Variants in PTK2 observed in about 807,000 individuals in gnomAD.
PTK2 encodes the protein focal adhesion kinase 1.
In PTK2, 45 loss-of-function variants were observed where a neutral mutation model predicts 150.1. The ratio of observed to expected loss-of-function variants is 0.30; its 90% CI spans 0.24 to 0.38. The LOEUF is 0.38. PTK2 is among the 10% of genes least tolerant of loss of function. The pLI is 1.00. For missense variants in PTK2, 919 were observed against 1,307.3 expected (o/e 0.70, Z 4.58); for synonymous variants, 432 against 449.2 (o/e 0.96, Z 0.48).
intron 26 of PTK2, among the ~76,000 whole-genome samples, chr8:140,693,062 A>AT (rs987780085): frequency 1.3e-5 from 2 of 152,116 alleles, no homozygotes; most frequent in African/African-American, 4.8e-5. Context: ...GCATGCAGTA[A>AT]TAAAAAAAAA....
intron 14 of PTK2, among the ~76,000 whole-genome samples, chr8:140,785,898 C>G (rs1031650800): frequency 6.6e-6 from 1 of 152,180 alleles, no homozygotes; most frequent in Non-Finnish European, 1.5e-5. Context: ...CAATCCCACA[C>G]GAGTTAATAC....
At chr8:140,715,953 G>A (rs1469790123) in intron 23 of PTK2, among the ~76,000 whole-genome samples, 1 of 152,186 alleles carries the variant, frequency 6.6e-6, no homozygotes, top group East Asian at 1.9e-4. Flanking sequence ...AGAAAAATGT[G>A]TAGATGAAGA....
chr8:140,868,316 G>T lies in PTK2; in HGVS notation c.363-3917C>A, dbSNP rs115764554. On this transcript the variant is annotated intron_variant, in intron 4 of 31. Transcript: ENST00000522684. Reference sequence around the variant, plus strand: ...TGCCCTCATAAAAAAAATGTGGTGTGAACAGTCTGTTCTTACAATAGACTT... The same window carrying T: ...TGCCCTCATAAAAAAAATGTGGTGTTAACAGTCTGTTCTTACAATAGACTT... Among the ~76,000 whole-genome samples, 976 of 152,248 alleles carry T rather than the reference G, an allele frequency of 6.4e-3. 14 individuals are homozygous for T. The highest frequency in any genetic ancestry group is 0.02 in the African/African-American group (831 of 41,544).
intron 1 of PTK2, among the ~76,000 whole-genome samples, chr8:140,988,270 C>T (rs1327429322): frequency 1.3e-5 from 2 of 152,126 alleles, no homozygotes; most frequent in African/African-American, 4.8e-5. Flanking sequence ...ACAAGTAATT[C>T]TAAAACATAT....
chr8:140,747,185 C>T (rs1050657039), intron 17 of PTK2: 5 of 200,632 alleles, frequency 2.5e-5, no homozygotes, highest in South Asian at 1.0e-4. Context: ...CCACCGCACC[C>T]GGCCTAGTTA....
intron 1 of PTK2, among the ~76,000 whole-genome samples, chr8:140,969,001 G>C (rs144429626): frequency 2.0e-4 from 31 of 152,278 alleles, no homozygotes; most frequent in African/African-American, 6.7e-4. Flanking sequence ...GAAGTGAACA[G>C]CTTCAGGTTT....
intron 4 of PTK2, among the ~76,000 whole-genome samples, chr8:140,874,472 T>C (rs1361432380): frequency 6.6e-6 from 1 of 152,134 alleles, no homozygotes; most frequent in Non-Finnish European, 1.5e-5. Context: ...CCTATGAACT[T>C]AGATGTCTGC....
exon 29 of PTK2, chr8:140,674,387 T>C: frequency 6.3e-7 from 1 of 1,598,338 alleles, no homozygotes; most frequent in Non-Finnish European, 8.5e-7. Context: ...GGCGGTTTCT[T>C]TGGTGGAGCT....
rs2100081747 is a variant in PTK2 at position 140,781,672 on chromosome 8, GGTCT to G, written c.1177+7798_1177+7801del. 3.3e-5 allele frequency among the ~76,000 whole-genome samples: 5 copies of G among 152,344 alleles called. No individual in the cohort carries two copies. In the South Asian group the frequency reaches 1.0e-3, roughly 32 times the overall value. On this transcript the variant is annotated intron_variant, in intron 14 of 31. Transcript: ENST00000522684. ...GCCTCAGGCTACCCCTTGCCAGGGA[GGTCT>G]GTGAGTTTCTGTCTGCACTGTCTGC...
In PTK2 at chr8:140,762,361, C is replaced by A. The variant is rs1441113457; in HGVS notation, c.1235-1099G>T. The A allele has an allele frequency of 1.9e-5, 22 of 1,177,844 alleles. No individual in the cohort carries two copies. Among genetic ancestry groups the A allele is most frequent in the Non-Finnish European group, 2.3e-5 (22 of 937,724 alleles). 73.0% of individuals were successfully genotyped at this position (1,177,844 alleles called of 1,614,324 possible). A position where few individuals can be genotyped will look rare whatever the true frequency, so the allele number is the denominator to read the frequency against. ...CAAATGCAGTTAATTTAAAGGAATC[C>A]TGTTACCTTCATCTATTCCATAGCT... On this transcript the variant is annotated intron_variant, in intron 15 of 31. Transcript: ENST00000522684.
chr8:140,757,085 G>A (rs1032006491), intron 16 of PTK2, among the ~76,000 whole-genome samples: 8 of 152,100 alleles, frequency 5.3e-5, no homozygotes, highest in African/African-American at 1.9e-4. Flanking sequence ...TTTTAAAAGT[G>A]AATGAAATAA....
chr8:140,731,997 AAGG>A (rs2100049707), intron 22 of PTK2, among the ~76,000 whole-genome samples: 1 of 152,212 alleles, frequency 6.6e-6, no homozygotes, highest in South Asian at 2.1e-4. Context: ...CAAGGTAGGG[AAGG>A]AGAATTCTTT....
chr8:140,753,831 C>A (rs940719921), intron 16 of PTK2, among the ~76,000 whole-genome samples: 2 of 151,864 alleles, frequency 1.3e-5, no homozygotes, highest in African/African-American at 4.8e-5. Context: ...TCAAAAAATC[C>A]CCATTAGTAT....
At chr8:140,988,128 A>T (rs996708061) in intron 1 of PTK2, among the ~76,000 whole-genome samples, 1 of 152,132 alleles carries the variant, frequency 6.6e-6, no homozygotes, top group Non-Finnish European at 1.5e-5. Context: ...CCCAAGAGAT[A>T]TGAAAGTCTA....
In PTK2 at chr8:140,773,887, C is replaced by T. The variant is rs529418654; in HGVS notation, c.1178-9597G>A. The stretch of plus-strand genomic sequence containing the variant: ...ATGCCTTTCAACAATTGCTCCGGGC[C>T]CGGGTGCAGGATAGGGGTGAGGAGG... On this transcript the variant is annotated intron_variant, in intron 14 of 31. Coordinates refer to ENST00000522684, the Ensembl canonical transcript of PTK2. Among the ~76,000 whole-genome samples the T allele has an allele frequency of 5.9e-5, 9 of 152,228 alleles. No homozygotes were observed. The South Asian group carries it at 1.9e-3, about 32-fold the overall frequency.
intron 1 of PTK2, among the ~76,000 whole-genome samples, chr8:140,928,412 T>C (rs2100170509): frequency 6.6e-6 from 1 of 152,116 alleles, no homozygotes; most frequent in African/African-American, 2.4e-5. Flanking sequence ...CCTAAAAATA[T>C]TAAAACTAGG....
At chr8:140,793,502 A>T in intron 12 of PTK2, 118 bp from the exon 13 acceptor site, 1 of 1,073,816 alleles carries the variant, frequency 9.3e-7, no homozygotes, top group Non-Finnish European at 1.3e-6. Flanking sequence ...TGACCCTTTA[A>T]AGAAAGTTGC....
chr8:140,884,008 A>C (rs1227022517), intron 3 of PTK2, among the ~76,000 whole-genome samples: 5 of 151,750 alleles, frequency 3.3e-5, no homozygotes, highest in Non-Finnish European at 2.9e-5. Flanking sequence ...TTCTTCCCTC[A>C]ACGTTGCATC....
intron 4 of PTK2, among the ~76,000 whole-genome samples, chr8:140,876,631 A>G (rs2100145675): frequency 6.6e-6 from 1 of 152,104 alleles, no homozygotes; most frequent in African/African-American, 2.4e-5. Context: ...CCTCTTCTCC[A>G]TTCTTTTTTA....
Sources: allele counts gnomAD v4.1 joint callset (sites outside exome capture counted in the v4.1 genomes callset), GRCh38; gene constraint gnomAD v4.1.1; transcripts MANE v1.5; gene names NCBI Gene and HGNC (gene_info 2026-07-23, HGNC 2026-07-21).